The following DOK5 variants were observed in gnomAD, a reference collection of about 807,000 sequenced individuals.
DOK5 encodes the protein downstream of tyrosine kinase 5.
Under a neutral mutation model 43.3 loss-of-function variants are expected in DOK5, and 27 were observed. The ratio of observed to expected loss-of-function variants is 0.62; its 90% CI spans 0.46 to 0.86. DOK5 has a LOEUF of 0.86. Ranked by LOEUF, DOK5 falls within the 40% of genes least tolerant of loss-of-function variation. The pLI is 0.00. For missense variants in DOK5, 373 were observed against 392.9 expected (o/e 0.95, Z 0.43); for synonymous variants, 146 against 140.1 (o/e 1.04, Z -0.30).
Position 54,554,811 on chromosome 20 carries a change from C to G in DOK5, c.67-122C>G, listed in dbSNP as rs1160814715. On this transcript the variant is annotated intron_variant, in intron 1 of 7. Transcript: ENST00000262593. ...TTTGATTTTTAAAACTTTATTTTCA[C>G]AAAGCAACATCACATTTCTGGCTTG... 7.7e-6 allele frequency: 5 copies of G among 646,982 alleles called. No individual in the cohort carries two copies. In the Admixed American group the frequency reaches 1.4e-4, roughly 18 times the overall value. 40.1% of individuals were successfully genotyped at this position (646,982 alleles called of 1,614,324 possible).
intron 1 of DOK5, among the ~76,000 whole-genome samples, chr20:54,537,549 A>G (rs915808654): frequency 6.6e-6 from 1 of 152,228 alleles, no homozygotes; most frequent in Non-Finnish European, 1.5e-5. Flanking sequence ...GAAAAATACA[A>G]TAATTGAAAT....
intron 1 of DOK5, among the ~76,000 whole-genome samples, chr20:54,528,941 T>C (rs1247104141): frequency 6.6e-6 from 1 of 152,180 alleles, no homozygotes; most frequent in Non-Finnish European, 1.5e-5. Flanking sequence ...AGCGACATGA[T>C]AGAAAAGATG....
intron 1 of DOK5, among the ~76,000 whole-genome samples, chr20:54,489,767 AT>A (rs1181349108): frequency 2.6e-5 from 4 of 152,002 alleles, no homozygotes; most frequent in Admixed American, 6.6e-5. Flanking sequence ...GGGTAAATCC[AT>A]TTTTTTTCCT....
intron 1 of DOK5, among the ~76,000 whole-genome samples, chr20:54,513,563 C>T (rs1983088744): frequency 6.6e-6 from 1 of 150,564 alleles, no homozygotes; most frequent in South Asian, 2.1e-4. Flanking sequence ...CTTAACAAAC[C>T]ATGGAGATGT....
At chr20:54,509,821 C>T (rs1297716877) in intron 1 of DOK5, among the ~76,000 whole-genome samples, 1 of 152,202 alleles carries the variant, frequency 6.6e-6, no homozygotes, top group South Asian at 2.1e-4. Context: ...ACACTGACCC[C>T]TGCCTCCACC....
Position 54,476,160 on chromosome 20 carries a change from G to A in DOK5, c.66+148G>A, listed in dbSNP as rs998910267. 3.6e-5 allele frequency: 55 copies of A among 1,511,782 alleles called. 1 individual carries two copies. The highest frequency in any genetic ancestry group is 2.3e-4 in the Middle Eastern group (1 of 4,402). 93.6% of individuals were successfully genotyped at this position (1,511,782 alleles called of 1,614,324 possible). ...CTCAGCCGAAACCCGCGTCTCCGGG[G>A]CTGTCACTGTAAGGCCAGCGTCTAG... is the stretch of plus-strand genomic sequence containing the variant. On this transcript the variant is annotated intron_variant, in intron 1 of 7. Transcript: ENST00000262593.
intron 1 of DOK5, among the ~76,000 whole-genome samples, chr20:54,519,397 A>T (rs1983314714): frequency 6.6e-6 from 1 of 152,208 alleles, no homozygotes; most frequent in African/African-American, 2.4e-5. Context: ...TAACTTATAA[A>T]TTATAATAGT....
chr20:54,488,767 CCCCTCCCTCCCCTCGT>C (rs1253114752), intron 1 of DOK5, among the ~76,000 whole-genome samples: 1 of 92,658 alleles, frequency 1.1e-5, no homozygotes, highest in Non-Finnish European at 1.9e-5. Flanking sequence ...CCCTACCCCT[CCCCTCCCTCCCCTCGT>C]CCCTCCCTCC....
intron 1 of DOK5, among the ~76,000 whole-genome samples, chr20:54,529,269 C>A (rs1314759884): frequency 6.6e-6 from 1 of 152,114 alleles, no homozygotes; most frequent in African/African-American, 2.4e-5. Flanking sequence ...GTAGTATATT[C>A]CATTGAACAA....
chr20:54,503,996 C>A (rs1442913501), intron 1 of DOK5, among the ~76,000 whole-genome samples: 1 of 152,174 alleles, frequency 6.6e-6, no homozygotes, highest in Non-Finnish European at 1.5e-5. Context: ...GATCTGGAAG[C>A]AGTTAAAGTA....
intron 6 of DOK5, among the ~76,000 whole-genome samples, chr20:54,634,591 G>A (rs1024061746): frequency 9.2e-5 from 14 of 151,712 alleles, no homozygotes; most frequent in East Asian, 1.9e-4. Context: ...ACAGGCGCCC[G>A]CCACCATGCC....
At chr20:54,516,070 T>C (rs1332995564) in intron 1 of DOK5, among the ~76,000 whole-genome samples, 1 of 152,220 alleles carries the variant, frequency 6.6e-6, no homozygotes. Context: ...GTGTGTCGTG[T>C]ACCCTTAGGC....
intron 5 of DOK5, among the ~76,000 whole-genome samples, chr20:54,609,877 C>G (rs1332290265): frequency 1.3e-5 from 2 of 152,042 alleles, no homozygotes; most frequent in African/African-American, 4.8e-5. Context: ...TGAATGAAAG[C>G]TGGAGTAATA....
chr20:54,528,161 C>A (rs565313166), intron 1 of DOK5, among the ~76,000 whole-genome samples: 1 of 152,094 alleles, frequency 6.6e-6, no homozygotes, highest in African/African-American at 2.4e-5. Context: ...GAGCTGAGAT[C>A]GTACCATTGC....
At chr20:54,648,808 C>G (rs1285576170) in intron 7 of DOK5, among the ~76,000 whole-genome samples, 1 of 152,152 alleles carries the variant, frequency 6.6e-6, no homozygotes, top group South Asian at 2.1e-4. Flanking sequence ...GGGAGACTAG[C>G]CCCAAGGCCG....
intron 1 of DOK5, among the ~76,000 whole-genome samples, chr20:54,495,975 T>C (rs1199571454): frequency 1.3e-5 from 2 of 152,208 alleles, no homozygotes; most frequent in Non-Finnish European, 2.9e-5. Flanking sequence ...CTGCAAAAGT[T>C]CTTTATCATA....
At chr20:54,639,179 A>G (rs1249070604) in intron 6 of DOK5, among the ~76,000 whole-genome samples, 1 of 152,218 alleles carries the variant, frequency 6.6e-6, no homozygotes, top group Non-Finnish European at 1.5e-5. Context: ...CTTCCAGAAG[A>G]TGAACCATGA....
intron 6 of DOK5, among the ~76,000 whole-genome samples, chr20:54,627,432 CATTTCATA>C (rs1395377937): frequency 6.6e-6 from 1 of 152,128 alleles, no homozygotes; most frequent in East Asian, 1.9e-4. Flanking sequence ...TTAGTAGATC[CATTTCATA>C]ATGGCAGAAA....
intron 1 of DOK5, among the ~76,000 whole-genome samples, chr20:54,519,230 G>A (rs1214717700): frequency 6.6e-6 from 1 of 152,042 alleles, no homozygotes; most frequent in African/African-American, 2.4e-5. Context: ...ATGTTTTATT[G>A]TGCTCTAGTA....
Sources: gnomAD v4.1 joint callset for allele counts (sites outside exome capture counted in the v4.1 genomes callset) on GRCh38, gnomAD v4.1.1 for gene constraint, MANE v1.5 for transcripts, NCBI Gene and HGNC (gene_info 2026-07-23, HGNC 2026-07-21) for gene names.